KALRN: variants seen among roughly 807,000 people sequenced by gnomAD.
KALRN encodes kalirin.
In KALRN, 70 loss-of-function variants were observed where a neutral mutation model predicts 353.7. The observed-to-expected ratio is 0.20, with a 90% CI of 0.16 to 0.24. KALRN has a LOEUF of 0.24. Ranked by LOEUF, KALRN falls within the 10% of genes least tolerant of loss-of-function variation. KALRN has a pLI of 1.00. For synonymous variants in KALRN, 1,391 were observed against 1,434.8 expected (o/e 0.97, Z 0.69); for missense variants, 2,791 against 3,756.7 (o/e 0.74, Z 6.72).
At chr3:124,563,668 G>A (rs2072347066) in intron 34 of KALRN, among the ~76,000 whole-genome samples, 1 of 152,196 alleles carries the variant, frequency 6.6e-6, no homozygotes, top group South Asian at 2.1e-4. Flanking sequence ...TGTAAGCTCT[G>A]TGTTCCCTTC....
At chr3:124,038,729 G>C (rs760859265) in intron 1 of KALRN, among the ~76,000 whole-genome samples, 26 of 152,110 alleles carry the variant, frequency 1.7e-4, no homozygotes, top group Non-Finnish European at 1.2e-4. Context: ...CAGTTACTTG[G>C]GCTTCAGCCA....
At chr3:124,421,807 G>A (rs2092795412) in intron 14 of KALRN, among the ~76,000 whole-genome samples, 1 of 152,190 alleles carries the variant, frequency 6.6e-6, no homozygotes, top group Non-Finnish European at 1.5e-5. Flanking sequence ...GTATAAATAG[G>A]AGAACTGGCA....
At chr3:124,422,688 T>G in intron 14 of KALRN, 124 bp from the exon 15 acceptor site, 3 of 727,760 alleles carry the variant, frequency 4.1e-6, no homozygotes, top group Non-Finnish European at 6.8e-6. Flanking sequence ...AGAGGAATAT[T>G]TAGGGTTTGG....
At chr3:124,257,580 A>C (rs2072200276) in intron 3 of KALRN, among the ~76,000 whole-genome samples, 1 of 152,268 alleles carries the variant, frequency 6.6e-6, no homozygotes, top group African/African-American at 2.4e-5. Flanking sequence ...TTCTGGGCCC[A>C]AGAGCCCTGG....
At chr3:124,385,576 C>A (rs2149949667) in intron 11 of KALRN, among the ~76,000 whole-genome samples, 1 of 152,256 alleles carries the variant, frequency 6.6e-6, no homozygotes, top group South Asian at 2.1e-4. Flanking sequence ...TTGGTCCTCA[C>A]TTTGCCTGAC....
intron 1 of KALRN, among the ~76,000 whole-genome samples, chr3:124,133,751 G>A (rs1223548425): frequency 6.6e-5 from 10 of 152,186 alleles, no homozygotes; most frequent in Non-Finnish European, 7.3e-5. Flanking sequence ...CTGTCTGCTT[G>A]CCTGGAACCA....
intron 1 of KALRN, among the ~76,000 whole-genome samples, chr3:124,216,528 T>A (rs1281585707): frequency 1.3e-5 from 2 of 152,214 alleles, no homozygotes; most frequent in African/African-American, 4.8e-5. Flanking sequence ...CTTTCCCCCA[T>A]CACATACATT....
chr3:124,705,121 A>T (rs1254843036), intron 57 of KALRN, among the ~76,000 whole-genome samples: 3 of 152,176 alleles, frequency 2.0e-5, no homozygotes, highest in Non-Finnish European at 2.9e-5. Flanking sequence ...CAGTATAGAG[A>T]AGGCAGGGGA....
intron 27 of KALRN, among the ~76,000 whole-genome samples, chr3:124,482,313 G>C (rs1237477869): frequency 6.6e-6 from 1 of 152,104 alleles, no homozygotes; most frequent in African/African-American, 2.4e-5. Flanking sequence ...AGAGAAGGAT[G>C]GTATTAATAA....
chr3:124,601,804 T>C (rs2149457647), intron 34 of KALRN, among the ~76,000 whole-genome samples: 1 of 151,780 alleles, frequency 6.6e-6, no homozygotes, highest in African/African-American at 2.4e-5. Context: ...CCAAGGTGGG[T>C]GGATTGCTTG....
chr3:124,059,060 GA>G (rs1410071733), intron 1 of KALRN, among the ~76,000 whole-genome samples: 5 of 151,548 alleles, frequency 3.3e-5, no homozygotes, highest in Non-Finnish European at 4.4e-5. Flanking sequence ...CATTATAGAA[GA>G]AAAAAAAGGA....
intron 2 of KALRN, among the ~76,000 whole-genome samples, chr3:124,234,291 A>G (rs1453563621): frequency 1.3e-5 from 2 of 152,110 alleles, no homozygotes; most frequent in African/African-American, 4.8e-5. Context: ...AAAATACTTA[A>G]TGTTTTTTCT....
At chr3:124,209,181 A>G (rs1277185687) in intron 1 of KALRN, among the ~76,000 whole-genome samples, 1 of 151,900 alleles carries the variant, frequency 6.6e-6, no homozygotes, top group African/African-American at 2.4e-5. Flanking sequence ...GAAATTAAGC[A>G]TGCTGGGTTC....
At chr3:124,194,333 G>A (rs568014482) in intron 1 of KALRN, among the ~76,000 whole-genome samples, 2 of 152,126 alleles carry the variant, frequency 1.3e-5, no homozygotes, top group Non-Finnish European at 2.9e-5. Flanking sequence ...TGGAGGAGAC[G>A]GAAGGAACTC....
At position 124,199,105 on chromosome 3, in the gene KALRN, T is replaced by C. The variant is rs557372008; in HGVS notation, c.74-28885T>C. Reference sequence around the variant, plus strand: ...ACTTTGAAGCCGAGGCCAGGCTGCCTGTTTCACTGCTGAACTGAGTTCCTG... The same window carrying C: ...ACTTTGAAGCCGAGGCCAGGCTGCCCGTTTCACTGCTGAACTGAGTTCCTG... On this transcript the variant is annotated intron_variant, in intron 1 of 59. Transcript: ENST00000682506. Among the ~76,000 whole-genome samples the C allele has an allele frequency of 6.6e-5, 10 of 152,378 alleles. No individual in the cohort carries two copies. The South Asian group carries it at 1.7e-3, about 25-fold the overall frequency.
intron 1 of KALRN, among the ~76,000 whole-genome samples, chr3:124,120,599 C>G (rs1478499007): frequency 6.6e-6 from 1 of 151,624 alleles, no homozygotes; most frequent in African/African-American, 2.4e-5. Context: ...TAAGTATGTA[C>G]TGAGAATGAG....
At chr3:124,386,078 C>T (rs969677406) in intron 11 of KALRN, among the ~76,000 whole-genome samples, 3 of 152,140 alleles carry the variant, frequency 2.0e-5, no homozygotes, top group African/African-American at 4.8e-5. Flanking sequence ...ACCATTGCAG[C>T]GCCTGTCAGA....
At chr3:124,433,573 C>G (rs1366521260) in intron 16 of KALRN, among the ~76,000 whole-genome samples, 1 of 132,914 alleles carries the variant, frequency 7.5e-6, no homozygotes. Flanking sequence ...ACTTCAGCCT[C>G]GGTGATAGAT....
intron 1 of KALRN, chr3:124,162,484 T>C (rs1234829434): frequency 6.6e-6 from 1 of 152,172 alleles, no homozygotes; most frequent in African/African-American, 2.4e-5. Context: ...CGGAATATTA[T>C]AGTTTGTTTT....
Sources: allele counts gnomAD v4.1 joint callset (sites outside exome capture counted in the v4.1 genomes callset), GRCh38; gene constraint gnomAD v4.1.1; transcripts MANE v1.5; gene names NCBI Gene and HGNC (gene_info 2026-07-23, HGNC 2026-07-21).